The following GNA14 variants were observed in gnomAD, a reference collection of about 807,000 sequenced individuals.
GNA14 encodes guanine nucleotide-binding protein subunit alpha-14.
Under a neutral mutation model 42.0 loss-of-function variants are expected in GNA14, and 50 were observed. The ratio of observed to expected loss-of-function variants is 1.19; its 90% CI spans 0.95 to 1.51. GNA14 has a LOEUF of 1.51. Ranked by LOEUF, GNA14 falls within the 40% of genes most tolerant of loss-of-function variation. GNA14 has a pLI of 0.00. For synonymous variants in GNA14, 173 were observed against 163.1 expected (o/e 1.06, Z -0.46); for missense variants, 473 against 446.2 (o/e 1.06, Z -0.54).
chr9:77,605,213 G>A (rs1184390306), intron 1 of GNA14, among the ~76,000 whole-genome samples: 2 of 152,242 alleles, frequency 1.3e-5, no homozygotes, highest in African/African-American at 4.8e-5. Flanking sequence ...ATTTGTCAAA[G>A]TTTCTGTGGG....
chr9:77,522,479 C>A (rs1359440360), intron 2 of GNA14, among the ~76,000 whole-genome samples: 1 of 152,236 alleles, frequency 6.6e-6, no homozygotes, highest in Non-Finnish European at 1.5e-5. Flanking sequence ...GTCAATGCTG[C>A]CCGCACCATT....
At chr9:77,519,394 C>T (rs564585342) in intron 2 of GNA14, among the ~76,000 whole-genome samples, 19 of 151,920 alleles carry the variant, frequency 1.3e-4, no homozygotes, top group Non-Finnish European at 2.4e-4. Flanking sequence ...CTGGGTGACA[C>T]GGCGAGACTC....
intron 2 of GNA14, among the ~76,000 whole-genome samples, chr9:77,503,931 C>G (rs1392497036): frequency 6.6e-6 from 1 of 152,140 alleles, no homozygotes; most frequent in African/African-American, 2.4e-5. Flanking sequence ...ATCCACCTGC[C>G]TCAGCCTCCA....
At chr9:77,601,868 C>A (rs1823571633) in intron 1 of GNA14, among the ~76,000 whole-genome samples, 1 of 152,204 alleles carries the variant, frequency 6.6e-6, no homozygotes, top group African/African-American at 2.4e-5. Flanking sequence ...CAATGTTTTA[C>A]TTCAATGCTT....
rs572931579 is a variant in GNA14 at position 77,629,430 on chromosome 9, G to A, written c.124+18240C>T. On this transcript the variant is annotated intron_variant, in intron 1 of 6. Transcript: ENST00000341700. ...TTCTACTATAAAGACACATGCACAT[G>A]TATGTTTATTGCAGCAACTATTCAC... Among the ~76,000 whole-genome samples the A allele has an allele frequency of 2.6e-5, 4 of 152,306 alleles. No homozygotes were observed. In the South Asian group the frequency reaches 8.3e-4, roughly 32 times the overall value.
At chr9:77,541,075 T>C (rs74862807) in intron 1 of GNA14, among the ~76,000 whole-genome samples, 7,154 of 152,188 alleles carry the variant, frequency 0.047, 196 homozygotes, top group African/African-American at 0.064. Flanking sequence ...TGTAGTAGTA[T>C]CACTTGAGTC....
chr9:77,614,802 A>C (rs182827247), intron 1 of GNA14, among the ~76,000 whole-genome samples: 226 of 152,260 alleles, frequency 1.5e-3, no homozygotes, highest in African/African-American at 5.1e-3. Context: ...TTCTCTCTGC[A>C]TCATCCACTG....
intron 1 of GNA14, among the ~76,000 whole-genome samples, chr9:77,616,508 G>C (rs950121008): frequency 6.6e-6 from 1 of 152,192 alleles, no homozygotes; most frequent in Admixed American, 6.5e-5. Flanking sequence ...GTCAGCAGCA[G>C]GAAGATGGGG....
intron 1 of GNA14, among the ~76,000 whole-genome samples, chr9:77,536,289 AAAC>A (rs1330262907): frequency 6.6e-6 from 1 of 152,234 alleles, no homozygotes; most frequent in African/African-American, 2.4e-5. Context: ...TAAGATTAAA[AAAC>A]AACAGCAGAA....
chr9:77,546,398 C>A (rs1223441874), intron 1 of GNA14, among the ~76,000 whole-genome samples: 2 of 152,000 alleles, frequency 1.3e-5, no homozygotes, highest in Non-Finnish European at 2.9e-5. Context: ...TGTGCCTACT[C>A]AACTTTTTGA....
intron 1 of GNA14, among the ~76,000 whole-genome samples, chr9:77,601,020 G>C (rs1205334706): frequency 2.0e-5 from 3 of 152,328 alleles, no homozygotes; most frequent in African/African-American, 7.2e-5. Flanking sequence ...ATGCGCCTGC[G>C]CACTGGGAAA....
intron 2 of GNA14, among the ~76,000 whole-genome samples, chr9:77,497,521 C>A (rs1034731084): frequency 6.6e-6 from 1 of 152,172 alleles, no homozygotes; most frequent in African/African-American, 2.4e-5. Flanking sequence ...CTTCCCTGTT[C>A]CTCCTTGGCA....
chr9:77,498,451 A>T (rs1430543105), intron 2 of GNA14, among the ~76,000 whole-genome samples: 1 of 151,988 alleles, frequency 6.6e-6, no homozygotes, highest in Non-Finnish European at 1.5e-5. Flanking sequence ...TTTATTCACT[A>T]ATTTAATAAC....
chr9:77,481,777 T>A (rs559829431), intron 2 of GNA14, among the ~76,000 whole-genome samples: 12 of 152,220 alleles, frequency 7.9e-5, no homozygotes, highest in Admixed American at 3.9e-4. Flanking sequence ...CTCTTCTTGT[T>A]GAATTGATCC....
At chr9:77,508,858 A>G (rs1002463062) in intron 2 of GNA14, among the ~76,000 whole-genome samples, 1 of 152,222 alleles carries the variant, frequency 6.6e-6, no homozygotes, top group Non-Finnish European at 1.5e-5. Context: ...CTATTGGCCA[A>G]TTTCCAGCAT....
chr9:77,583,579 G>T (rs1823259140), intron 1 of GNA14, among the ~76,000 whole-genome samples: 1 of 152,152 alleles, frequency 6.6e-6, no homozygotes, highest in Non-Finnish European at 1.5e-5. Flanking sequence ...ACTTCTGAGT[G>T]TATGTGTGAG....
chr9:77,541,409 T>C (rs1247777400), intron 1 of GNA14, among the ~76,000 whole-genome samples: 1 of 152,208 alleles, frequency 6.6e-6, no homozygotes, highest in East Asian at 1.9e-4. Flanking sequence ...CTGCTGTTAG[T>C]CAGATAGGGG....
chr9:77,575,663 G>T (rs1823117126), intron 1 of GNA14, among the ~76,000 whole-genome samples: 1 of 152,110 alleles, frequency 6.6e-6, no homozygotes, highest in Non-Finnish European at 1.5e-5. Flanking sequence ...AATTCTTAAA[G>T]GCAGTTAAGG....
intron 2 of GNA14, among the ~76,000 whole-genome samples, chr9:77,511,104 G>A (rs1160503272): frequency 6.6e-6 from 1 of 151,730 alleles, no homozygotes; most frequent in Non-Finnish European, 1.5e-5. Context: ...GGGAGTAGAG[G>A]TTAAGAGAAC....
Sources: gnomAD v4.1 joint callset for allele counts (sites outside exome capture counted in the v4.1 genomes callset) on GRCh38, gnomAD v4.1.1 for gene constraint, MANE v1.5 for transcripts, NCBI Gene and HGNC (gene_info 2026-07-23, HGNC 2026-07-21) for gene names.